Variants in SLC24A2 observed in about 807,000 individuals in gnomAD.
SLC24A2 encodes solute carrier family 24 member 2, also known as sodium/potassium/calcium exchanger 2.
In SLC24A2, 36 loss-of-function variants were observed where a neutral mutation model predicts 62.0. The ratio of observed to expected loss-of-function variants is 0.58; its 90% CI spans 0.44 to 0.77. The LOEUF (loss-of-function observed/expected upper bound fraction) is 0.77. Among genes scored for constraint, SLC24A2 ranks in the 30% least tolerant of loss-of-function variants. The pLI is 0.00. For missense variants in SLC24A2, 846 were observed against 817.9 expected (o/e 1.03, Z -0.42); for synonymous variants, 358 against 294.0 (o/e 1.22, Z -2.23).
the SLC24A2 span, among the ~76,000 whole-genome samples, chr9:20,032,136 G>C: frequency 6.6e-6 from 1 of 152,148 alleles, no homozygotes; most frequent in African/African-American, 2.4e-5. Flanking sequence ...AGGTTCTTCA[G>C]TTTTTGTTAC....
At chr9:20,032,712 T>C in the SLC24A2 span, among the ~76,000 whole-genome samples, 3 of 152,296 alleles carry the variant, frequency 2.0e-5, no homozygotes, top group African/African-American at 7.2e-5. Context: ...TTATTTATCG[T>C]AGAAAGCATT....
chr9:19,519,143 T>G (rs1833073262), intron 10 of SLC24A2, among the ~76,000 whole-genome samples: 5 of 151,994 alleles, frequency 3.3e-5, no homozygotes, highest in Admixed American at 3.3e-4. Context: ...CTTAGAAAAA[T>G]GGTTATGATT....
the SLC24A2 span, among the ~76,000 whole-genome samples, chr9:20,084,400 T>C: frequency 6.6e-6 from 1 of 152,140 alleles, no homozygotes; most frequent in Non-Finnish European, 1.5e-5. Context: ...GCCATAACAA[T>C]TGGGAAACAC....
chr9:20,008,508 C>A, the SLC24A2 span, among the ~76,000 whole-genome samples: 1 of 152,142 alleles, frequency 6.6e-6, no homozygotes, highest in Non-Finnish European at 1.5e-5. Context: ...ATACTTCCAA[C>A]CCCCTTTCCA....
chr9:19,922,832 G>A, the SLC24A2 span, among the ~76,000 whole-genome samples: 1 of 152,132 alleles, frequency 6.6e-6, no homozygotes, highest in Non-Finnish European at 1.5e-5. Flanking sequence ...CAGGTGATCA[G>A]AGACAACTTG....
chr9:19,780,518 G>T (rs1171848069), intron 2 of SLC24A2, among the ~76,000 whole-genome samples: 1 of 151,424 alleles, frequency 6.6e-6, no homozygotes, highest in Non-Finnish European at 1.5e-5. Flanking sequence ...CACCTGCCTC[G>T]GCCTCCCAAA....
At chr9:19,998,815 G>A in the SLC24A2 span, among the ~76,000 whole-genome samples, 1 of 152,200 alleles carries the variant, frequency 6.6e-6, no homozygotes, top group Non-Finnish European at 1.5e-5. Context: ...ATCTTTGTTG[G>A]TGGCAAGATA....
the SLC24A2 span, among the ~76,000 whole-genome samples, chr9:20,183,276 T>C: frequency 2.6e-5 from 4 of 152,160 alleles, no homozygotes; most frequent in Admixed American, 2.6e-4. Context: ...AAGAGAAGAT[T>C]AACCATAATA....
chr9:20,186,110 C>A, the SLC24A2 span, among the ~76,000 whole-genome samples: 1 of 152,224 alleles, frequency 6.6e-6, no homozygotes, highest in South Asian at 2.1e-4. Context: ...GGGGGCCGGC[C>A]TTAAGAATAA....
the SLC24A2 span, among the ~76,000 whole-genome samples, chr9:20,164,510 A>C: frequency 7.7e-4 from 116 of 150,984 alleles, no homozygotes; most frequent in African/African-American, 2.7e-3. Flanking sequence ...ATGTGGAGAA[A>C]TAGGAACACT....
At chr9:19,798,222 G>A in the SLC24A2 span, among the ~76,000 whole-genome samples, 3 of 151,668 alleles carry the variant, frequency 2.0e-5, no homozygotes, top group Admixed American at 2.0e-4. Context: ...TCTTTCATTT[G>A]TTCTTTTATA....
At chr9:19,714,518 C>T (rs1820802913) in intron 2 of SLC24A2, among the ~76,000 whole-genome samples, 1 of 152,196 alleles carries the variant, frequency 6.6e-6, no homozygotes, top group Non-Finnish European at 1.5e-5. Context: ...GTCCTCTAAA[C>T]CTTGTTTGTG....
intron 2 of SLC24A2, among the ~76,000 whole-genome samples, chr9:19,712,271 T>G (rs1301115862): frequency 6.6e-6 from 1 of 152,192 alleles, no homozygotes; most frequent in Non-Finnish European, 1.5e-5. Context: ...CTAACATAAA[T>G]TCAAAGAGCC....
the SLC24A2 span, among the ~76,000 whole-genome samples, chr9:20,049,460 T>C: frequency 1.3e-5 from 2 of 152,230 alleles, no homozygotes; most frequent in East Asian, 1.9e-4. Context: ...TGGATGTGGA[T>C]AGGAAGCCAC....
At chr9:20,148,742 G>A in the SLC24A2 span, among the ~76,000 whole-genome samples, 1 of 152,026 alleles carries the variant, frequency 6.6e-6, no homozygotes, top group Non-Finnish European at 1.5e-5. Flanking sequence ...AATAGCACTT[G>A]TCCCTGGACC....
the SLC24A2 span, among the ~76,000 whole-genome samples, chr9:20,031,079 G>A: frequency 6.6e-6 from 1 of 151,710 alleles, no homozygotes; most frequent in East Asian, 1.9e-4. Context: ...AGAATATAGA[G>A]AGAGATATGG....
At chr9:19,953,417 T>C in the SLC24A2 span, among the ~76,000 whole-genome samples, 40 of 152,148 alleles carry the variant, frequency 2.6e-4, no homozygotes, top group Admixed American at 4.6e-4. Context: ...TAGTTCTCTG[T>C]GCTTAAGGAT....
At chr9:19,585,982 G>C (rs568877566) in intron 5 of SLC24A2, among the ~76,000 whole-genome samples, 1 of 152,146 alleles carries the variant, frequency 6.6e-6, no homozygotes, top group South Asian at 2.1e-4. Context: ...TTTTGTAATT[G>C]GTCTCCCAGT....
the SLC24A2 span, among the ~76,000 whole-genome samples, chr9:20,301,056 G>A: frequency 3.0e-4 from 45 of 152,284 alleles, no homozygotes; most frequent in African/African-American, 1.0e-3. Flanking sequence ...ATTAAAAACT[G>A]GAGGAGCTCT....
Sources: gnomAD v4.1 joint callset for allele counts (sites outside exome capture counted in the v4.1 genomes callset) on GRCh38, gnomAD v4.1.1 for gene constraint, MANE v1.5 for transcripts, NCBI Gene and HGNC (gene_info 2026-07-23, HGNC 2026-07-21) for gene names.